Variants in SETD3 observed in about 807,000 individuals in gnomAD.
SETD3 encodes the protein actin-histidine N-methyltransferase.
In SETD3, 19 loss-of-function variants were observed where a neutral mutation model predicts 63.0. The observed-to-expected ratio is 0.30, with a 90% CI of 0.21 to 0.44. SETD3 has a LOEUF of 0.44. SETD3 is among the 20% of genes least tolerant of loss of function. SETD3 has a pLI of 1.00. For synonymous variants in SETD3, 286 were observed against 264.1 expected, an observed-to-expected ratio of 1.08 and a Z score of -0.80; for missense variants, 587 against 728.5, an observed-to-expected ratio of 0.81 and a Z score of 2.24.
chr14:99,402,653 T>C (rs1344321700), intron 11 of SETD3, among the ~76,000 whole-genome samples: 1 of 152,230 alleles, frequency 6.6e-6, no homozygotes, highest in African/African-American at 2.4e-5. Context: ...GTTGGCTTAC[T>C]GTAGCCTTCA....
chr14:99,401,257 T>C (rs1002710156), intron 11 of SETD3, among the ~76,000 whole-genome samples: 1 of 152,146 alleles, frequency 6.6e-6, no homozygotes, highest in Admixed American at 6.5e-5. Flanking sequence ...TCTCCAAATA[T>C]ATTTAAGAAG....
intron 4 of SETD3, 151 bp from the exon 5 acceptor site, chr14:99,459,336 T>C: frequency 2.0e-6 from 1 of 500,314 alleles, no homozygotes; most frequent in South Asian, 3.8e-5. Flanking sequence ...CATTTTAAAA[T>C]GTAAGCATTT....
At chr14:99,448,983 G>A (rs997501762) in intron 6 of SETD3, among the ~76,000 whole-genome samples, 1 of 152,120 alleles carries the variant, frequency 6.6e-6, no homozygotes, top group Non-Finnish European at 1.5e-5. Flanking sequence ...CAGTGACGAG[G>A]AAATCAGGTA....
intron 6 of SETD3, among the ~76,000 whole-genome samples, chr14:99,450,220 C>G (rs1894382116): frequency 6.6e-6 from 1 of 152,212 alleles, no homozygotes; most frequent in African/African-American, 2.4e-5. Context: ...GATCTTTAAG[C>G]TGATGCCCAG....
rs141985038 is a variant in SETD3 at position 99,445,262 on chromosome 14, C to T, written c.675+13017G>A. The stretch of plus-strand genomic sequence containing the variant: ...CAACAGAATATACTACGCCCTCACT[C>T]TCTGTCTACAAAGATCCATCAGCAC... On this transcript the variant is annotated intron_variant, in intron 6 of 12. Transcript: ENST00000331768. Among the ~76,000 whole-genome samples, 55 of 152,320 alleles carry T rather than the reference C, an allele frequency of 3.6e-4. No individual in the cohort carries two copies. The East Asian group carries it at 8.7e-3, about 24-fold the overall frequency.
intron 6 of SETD3, among the ~76,000 whole-genome samples, chr14:99,454,745 G>C (rs368762093): frequency 1.2e-5 from 1 of 85,364 alleles, no homozygotes. Context: ...CGCGGAGACC[G>C]GCCCAAAATG....
At chr14:99,482,913 T>C (rs1896388564), upstream of SETD3, among the ~76,000 whole-genome samples, 1 of 152,172 alleles carries the variant, frequency 6.6e-6, no homozygotes, top group African/African-American at 2.4e-5. Context: ...TTCTTTAAAA[T>C]TGGATAAGGA....
intron 5 of SETD3, among the ~76,000 whole-genome samples, chr14:99,458,890 G>A (rs1894915574): frequency 6.6e-6 from 1 of 151,704 alleles, no homozygotes. Context: ...GTGTACTCCA[G>A]CCTAGGTGAC....
intron 4 of SETD3, among the ~76,000 whole-genome samples, chr14:99,460,194 C>T (rs2139777866): frequency 6.6e-6 from 1 of 152,236 alleles, no homozygotes; most frequent in South Asian, 2.1e-4. Context: ...ACCATTCACA[C>T]AGTAGACATT....
chr14:99,477,138 A>T (rs1414549099), intron 1 of SETD3, among the ~76,000 whole-genome samples: 1 of 152,106 alleles, frequency 6.6e-6, no homozygotes, highest in Non-Finnish European at 1.5e-5. Context: ...GTCAACCAAG[A>T]CTGTTTGGAC....
intron 8 of SETD3, among the ~76,000 whole-genome samples, chr14:99,408,134 G>C (rs1891787171): frequency 6.6e-6 from 1 of 152,136 alleles, no homozygotes; most frequent in Non-Finnish European, 1.5e-5. Context: ...GATGACTTCT[G>C]AGTCTAGGGA....
chr14:99,401,327 C>T lies in SETD3; in HGVS notation c.1178-1068G>A, dbSNP rs1029090064. ...TCTCCCGGCACATTATCTCCAAAACCAAAACAAGCCGATCCTATTCATGCT... is the reference window on the plus strand; with the variant it reads ...TCTCCCGGCACATTATCTCCAAAACTAAAACAAGCCGATCCTATTCATGCT... On this transcript the variant is annotated intron_variant, in intron 11 of 12. Transcript: ENST00000331768. Among the ~76,000 whole-genome samples, 2 of 152,164 alleles carry T rather than the reference C, an allele frequency of 1.3e-5. 1 individual carries two copies. Among genetic ancestry groups the T allele is most frequent in the South Asian group, 4.2e-4 (2 of 4,810 alleles).
At chr14:99,469,654 G>C (rs1406047252) in intron 1 of SETD3, among the ~76,000 whole-genome samples, 1 of 152,230 alleles carries the variant, frequency 6.6e-6, no homozygotes, top group Admixed American at 6.5e-5. Context: ...GCTCAGGTGG[G>C]AGGATCCCTT....
intron 11 of SETD3, among the ~76,000 whole-genome samples, chr14:99,402,641 G>C (rs1891447245): frequency 2.0e-5 from 3 of 152,008 alleles, no homozygotes; most frequent in South Asian, 4.2e-4. Flanking sequence ...ACCCAGGCTG[G>C]GGTTGGCTTA....
chr14:99,412,502 C>CATA (rs768168730), intron 8 of SETD3: 62 of 153,560 alleles, frequency 4.0e-4, no homozygotes, highest in Middle Eastern at 6.8e-3. Flanking sequence ...AAGAAAGAAT[C>CATA]AAAGGTACAG....
intron 12 of SETD3, among the ~76,000 whole-genome samples, chr14:99,399,450 T>C (rs1891262624): frequency 8.8e-5 from 5 of 57,044 alleles, no homozygotes; most frequent in African/African-American, 2.2e-4. Flanking sequence ...GGCACTGATG[T>C]AGCCCCAGGG....
rs1052631327 is a variant in SETD3, at chr14:99,397,807, T to C, written c.*872A>G. 1 of 152,412 alleles carries C rather than the reference T, an allele frequency of 6.6e-6. No individual in the cohort carries two copies. The highest frequency in any genetic ancestry group is 1.5e-5 in the Non-Finnish European group (1 of 68,044). 9.4% of individuals were successfully genotyped at this position (152,412 alleles called of 1,614,324 possible). A position where few individuals can be genotyped will look rare whatever the true frequency, so the allele number is the denominator to read the frequency against. On this transcript the variant is annotated 3_prime_UTR_variant, in exon 13 of 13. Coordinates refer to ENST00000331768, the MANE Select transcript of SETD3 (RefSeq NM_032233.3). The stretch of plus-strand genomic sequence containing the variant: ...TCAAAAGTGTAGCTTTGAAAATCTC[T>C]AGCTTGTTGTGAAAACCAGGAAAGC...
chr14:99,430,506 C>T (rs1893113456), intron 6 of SETD3, among the ~76,000 whole-genome samples: 1 of 152,192 alleles, frequency 6.6e-6, no homozygotes, highest in Non-Finnish European at 1.5e-5. Context: ...CCAAAGACTC[C>T]AGCTATATTA....
intron 6 of SETD3, among the ~76,000 whole-genome samples, chr14:99,455,400 A>G (rs1168889401): frequency 6.6e-6 from 1 of 152,196 alleles, no homozygotes; most frequent in Non-Finnish European, 1.5e-5. Context: ...ACATTTTTTC[A>G]GTGTTTGTTC....
Sources: allele counts gnomAD v4.1 joint callset (sites outside exome capture counted in the v4.1 genomes callset), GRCh38; gene constraint gnomAD v4.1.1; transcripts MANE v1.5; gene names NCBI Gene and HGNC (gene_info 2026-07-23, HGNC 2026-07-21).